CCDC171: variants seen among roughly 807,000 people sequenced by gnomAD.
The protein encoded by CCDC171 is coiled-coil domain containing 171.
In CCDC171, 177 loss-of-function variants were observed where a neutral mutation model predicts 168.2. The ratio of observed to expected loss-of-function variants is 1.05; its 90% CI spans 0.93 to 1.19. CCDC171 has a LOEUF of 1.19. Ranked by LOEUF, CCDC171 falls within the 50% of genes most tolerant of loss-of-function variation. The probability of loss-of-function intolerance (pLI) is 0.00; values close to 1 mark genes in which losing one functional copy is unlikely to be tolerated. For synonymous variants in CCDC171, 687 were observed against 540.8 expected (o/e 1.27, Z -3.75); for missense variants, 1,991 against 1,539.0 (o/e 1.29, Z -4.91).
At chr9:16,036,394 C>T (rs891553290) in intron 8 of CCDC171, among the ~76,000 whole-genome samples, 10 of 152,196 alleles carry the variant, frequency 6.6e-5, no homozygotes, top group African/African-American at 1.7e-4. Context: ...CCTGTAATCC[C>T]GGCAATTTGG....
chr9:15,571,640 T>C lies in CCDC171; in HGVS notation c.58T>C (p.Leu20=). ...ATTTTAAAGGTTGAAGATTGCCTCA[T>C]TGGATGTAAAACAAATACTTAAAAA... ...GDTQRLKIAS[L]DVKQILKNET... The change falls in exon 3 of 26, where the codon TTG becomes CTG. Residue 20 remains leucine (L), a synonymous_variant. Coordinates refer to ENST00000380701, the MANE Select transcript of CCDC171 (RefSeq NM_173550.4). The C allele has an allele frequency of 6.4e-7, 1 of 1,560,708 alleles. No homozygotes were observed. Among genetic ancestry groups the C allele is most frequent in the East Asian group, 2.4e-5 (1 of 42,416 alleles).
At chr9:15,902,137 AAACT>A (rs1352620403) in intron 24 of CCDC171, among the ~76,000 whole-genome samples, 2 of 152,176 alleles carry the variant, frequency 1.3e-5, no homozygotes, top group South Asian at 2.1e-4. Flanking sequence ...AAAAAAATAA[AAACT>A]AACTGCTCTG....
upstream of CCDC171, among the ~76,000 whole-genome samples, chr9:16,041,955 T>C (rs1178845586): frequency 2.6e-5 from 4 of 152,216 alleles, no homozygotes; most frequent in Non-Finnish European, 1.5e-5. Flanking sequence ...AGATAAAATC[T>C]GGTATGGGAA....
the CCDC171 span, among the ~76,000 whole-genome samples, chr9:16,078,706 C>G: frequency 1.3e-5 from 2 of 152,000 alleles, no homozygotes; most frequent in African/African-American, 4.8e-5. Context: ...AATTACATGA[C>G]CCCAGGATAA....
chr9:15,785,018 CT>C, intron 21 of CCDC171, among the ~76,000 whole-genome samples: 1 of 151,406 alleles, frequency 6.6e-6, no homozygotes. Flanking sequence ...TAGAATTTTC[CT>C]TTTCTTGTTT....
In CCDC171 at chr9:15,951,188, C is replaced by A. The variant is rs571013645; in HGVS notation, c.3754-20421C>A. Reference sequence around the variant, plus strand: ...ACATTAATAATGGGAGACTTTAACACCCCACTGTCAACATTGGACAGATCA... The same window carrying A: ...ACATTAATAATGGGAGACTTTAACAACCCACTGTCAACATTGGACAGATCA... On this transcript the variant is annotated intron_variant, in intron 25 of 25. Transcript: ENST00000380701. Among the ~76,000 whole-genome samples the A allele has an allele frequency of 4.0e-5, 6 of 150,570 alleles. No homozygotes were observed. In the South Asian group the frequency reaches 1.3e-3, roughly 33 times the overall value.
chr9:15,904,734 A>T (rs1822261303), intron 24 of CCDC171, among the ~76,000 whole-genome samples: 1 of 152,076 alleles, frequency 6.6e-6, no homozygotes, highest in Non-Finnish European at 1.5e-5. Flanking sequence ...GGCAAATTGG[A>T]TAAAGAGTCA....
chr9:15,743,082 A>G (rs757813594), intron 16 of CCDC171, among the ~76,000 whole-genome samples: 3 of 150,710 alleles, frequency 2.0e-5, no homozygotes, highest in Non-Finnish European at 3.0e-5. Flanking sequence ...CCTGGCCCCA[A>G]TAAATGTTTA....
intron 21 of CCDC171, among the ~76,000 whole-genome samples, chr9:15,846,182 G>A (rs1054003949): frequency 2.6e-5 from 4 of 152,044 alleles, no homozygotes; most frequent in Middle Eastern, 3.2e-3. Context: ...TTGCTGAAAT[G>A]TCTATAGCCA....
Position 15,591,467 on chromosome 9 carries a change from T to G in CCDC171, c.454T>G (p.Leu152Val), listed in dbSNP as rs537658743. The G allele has an allele frequency of 1.6e-5, 25 of 1,609,084 alleles. No homozygotes were observed. In the East Asian group the frequency reaches 4.0e-4, roughly 26 times the overall value. ...AGAATGCAGAAGATTTGAACATGAT[T>G]TGGAGGAAAGAGACAATATGATCCA... ...KEECRRFEHD[L>V]EERDNMIQNC... Residue 152 changes from leucine to valine, a missense_variant, in exon 5 of 26, where the codon TTG becomes GTG. Physicochemically the swap from Leu to Val is conservative, Grantham distance 32. Coordinates refer to ENST00000380701, the MANE Select transcript of CCDC171 (RefSeq NM_173550.4).
chr9:15,939,867 T>C (rs927228240), intron 25 of CCDC171, among the ~76,000 whole-genome samples: 8 of 151,896 alleles, frequency 5.3e-5, no homozygotes, highest in African/African-American at 1.7e-4. Flanking sequence ...TAGTTAAGTA[T>C]GTCATAAAGT....
At chr9:15,593,652 C>G (rs2042146335) in intron 5 of CCDC171, among the ~76,000 whole-genome samples, 1 of 151,938 alleles carries the variant, frequency 6.6e-6, no homozygotes, top group Non-Finnish European at 1.5e-5. Flanking sequence ...TAAATGGAAT[C>G]TACTTTGTTT....
rs558740635 is a variant in CCDC171 at position 15,788,784 on chromosome 9, T to C, written c.3267+4090T>C. Among the ~76,000 whole-genome samples, 12 of 152,010 alleles carry C rather than the reference T, an allele frequency of 7.9e-5. No homozygotes were observed. The South Asian group carries it at 1.2e-3, about 16-fold the overall frequency. ...CCAGTCCTGGTCTCAAACTCCTGAG[T>C]TCAAGCGATCCCCTTGTCTTGGCCT... On this transcript the variant is annotated intron_variant, in intron 21 of 25. Coordinates refer to ENST00000380701, the MANE Select transcript of CCDC171 (RefSeq NM_173550.4).
At chr9:15,730,701 C>A (rs2054097767) in intron 16 of CCDC171, among the ~76,000 whole-genome samples, 1 of 151,396 alleles carries the variant, frequency 6.6e-6, no homozygotes, top group African/African-American at 2.4e-5. Flanking sequence ...ATTCTGTATC[C>A]CCAAATTTAA....
chr9:16,062,648 T>C (rs1586872817), downstream of CCDC171, among the ~76,000 whole-genome samples: 1 of 152,216 alleles, frequency 6.6e-6, no homozygotes. Flanking sequence ...CAAAGGCTTT[T>C]TGAGTACCAG....
downstream of CCDC171, among the ~76,000 whole-genome samples, chr9:15,974,802 A>G (rs563548594): frequency 6.6e-6 from 1 of 152,178 alleles, no homozygotes; most frequent in Non-Finnish European, 1.5e-5. Flanking sequence ...TTCCTATTTC[A>G]TATTTATGAC....
At chr9:16,087,716 C>T in the CCDC171 span, among the ~76,000 whole-genome samples, 2 of 151,876 alleles carry the variant, frequency 1.3e-5, no homozygotes, top group African/African-American at 4.8e-5. Flanking sequence ...CAGTCTGTGT[C>T]TTCTAATTGG....
chr9:15,610,479 A>C (rs1318291531), intron 6 of CCDC171, among the ~76,000 whole-genome samples: 3 of 142,202 alleles, frequency 2.1e-5, no homozygotes, highest in South Asian at 2.3e-4. Flanking sequence ...AAAAAAAAAA[A>C]AACTGGGCGT....
intron 25 of CCDC171, among the ~76,000 whole-genome samples, chr9:15,966,685 CTTTGCATT>C (rs1830822331): frequency 6.6e-6 from 1 of 152,160 alleles, no homozygotes; most frequent in African/African-American, 2.4e-5. Flanking sequence ...AATGCAACTT[CTTTGCATT>C]TTTGCCATTA....
Sources: allele counts gnomAD v4.1 joint callset (sites outside exome capture counted in the v4.1 genomes callset), GRCh38; gene constraint gnomAD v4.1.1; transcripts MANE v1.5; gene names NCBI Gene and HGNC (gene_info 2026-07-23, HGNC 2026-07-21).